Variants in PKP4 observed in about 807,000 individuals in gnomAD.
PKP4 encodes plakophilin 4, also known as plakophilin-4.
In PKP4, 90 loss-of-function variants were observed where a neutral mutation model predicts 145.1. The observed-to-expected ratio is 0.62, with a 90% CI of 0.52 to 0.74. The LOEUF is 0.74. PKP4 is among the 30% of genes least tolerant of loss of function. The pLI, the probability that PKP4 is intolerant of heterozygous loss-of-function variation, is 0.00. For synonymous variants in PKP4, 563 were observed against 577.2 expected (o/e 0.98, Z 0.35); for missense variants, 1,340 against 1,482.7 (o/e 0.90, Z 1.58).
intron 1 of PKP4, among the ~76,000 whole-genome samples, chr2:158,479,242 C>CT (rs1173326244): frequency 1.3e-5 from 2 of 151,042 alleles, no homozygotes; most frequent in Non-Finnish European, 3.0e-5. Context: ...TATTTTTTGT[C>CT]TTTTTTTGAT....
chr2:158,627,290 T>C (rs3771652), intron 7 of PKP4, among the ~76,000 whole-genome samples: 34,189 of 152,034 alleles, frequency 0.22, 4,346 homozygotes, highest in Middle Eastern at 0.36. Flanking sequence ...AGAACAGCTA[T>C]GTAGAAATCT....
chr2:158,616,842 T>C (rs1314220611), intron 4 of PKP4, among the ~76,000 whole-genome samples: 1 of 152,170 alleles, frequency 6.6e-6, no homozygotes, highest in African/African-American at 2.4e-5. Flanking sequence ...CAGCAAGACA[T>C]AGACTAACAA....
At chr2:158,614,090 T>C (rs945399160) in intron 4 of PKP4, among the ~76,000 whole-genome samples, 1 of 152,144 alleles carries the variant, frequency 6.6e-6, no homozygotes, top group East Asian at 1.9e-4. Flanking sequence ...AAATTTGAAT[T>C]TGAACACACT....
intron 19 of PKP4, 95 bp from the exon 20 acceptor site, chr2:158,676,644 C>A: frequency 7.0e-7 from 1 of 1,431,688 alleles, no homozygotes. Context: ...TTTCTAGTTA[C>A]TGAGCTTTGT....
chr2:158,570,075 G>A lies in PKP4; in HGVS notation c.133-7196G>A, dbSNP rs1324937547. On this transcript the variant is annotated intron_variant, in intron 2 of 21. Transcript: ENST00000389759. ...ATAATTAATTATACATTGATTTAGG[G>A]ACTACCAAGTAGACATAATAATGGT... Among the ~76,000 whole-genome samples, 4 of 152,234 alleles carry A rather than the reference G, an allele frequency of 2.6e-5. No homozygotes were observed. The East Asian group carries it at 7.7e-4, about 29-fold the overall frequency.
intron 9 of PKP4, among the ~76,000 whole-genome samples, chr2:158,635,251 A>G (rs1228449988): frequency 6.6e-6 from 1 of 152,190 alleles, no homozygotes; most frequent in Non-Finnish European, 1.5e-5. Context: ...GTTGAGTGGG[A>G]AATCCACTGC....
At chr2:158,522,181 C>T (rs189690059) in intron 1 of PKP4, among the ~76,000 whole-genome samples, 142 of 152,068 alleles carry the variant, frequency 9.3e-4, no homozygotes, top group African/African-American at 3.1e-3. Flanking sequence ...ATTAGTAAGG[C>T]GAGTAGAAGG....
intron 2 of PKP4, among the ~76,000 whole-genome samples, chr2:158,574,598 C>G (rs2047686500): frequency 6.6e-6 from 1 of 152,154 alleles, no homozygotes; most frequent in Admixed American, 6.5e-5. Flanking sequence ...AACTTGTATT[C>G]TTAGGAGGAA....
intron 1 of PKP4, among the ~76,000 whole-genome samples, chr2:158,529,399 C>T (rs1418958160): frequency 6.6e-6 from 1 of 152,166 alleles, no homozygotes; most frequent in Non-Finnish European, 1.5e-5. Flanking sequence ...TCATGTCTCC[C>T]AGTGAGCTTT....
intron 15 of PKP4, among the ~76,000 whole-genome samples, 170 bp downstream of exon 15, chr2:158,663,615 T>C (rs1490937245): frequency 6.6e-6 from 1 of 152,178 alleles, no homozygotes; most frequent in South Asian, 2.1e-4. Context: ...AAGCAGTTGC[T>C]CTGGGGATAC....
chr2:158,576,212 A>G (rs1417002297), intron 2 of PKP4, among the ~76,000 whole-genome samples: 1 of 152,246 alleles, frequency 6.6e-6, no homozygotes, highest in Admixed American at 6.5e-5. Flanking sequence ...CAGGGAGTTC[A>G]TATACTTTTC....
intron 16 of PKP4, chr2:158,669,032 A>G (rs191346780): frequency 6.6e-6 from 1 of 152,346 alleles, no homozygotes; most frequent in Admixed American, 6.5e-5. Flanking sequence ...ATACCTCAAT[A>G]ACTGTGAAAC....
intron 3 of PKP4, among the ~76,000 whole-genome samples, chr2:158,595,650 A>G (rs1298280721): frequency 6.6e-6 from 1 of 152,234 alleles, no homozygotes; most frequent in African/African-American, 2.4e-5. Context: ...AGTATGTTGT[A>G]TCTCCTGATC....
intron 1 of PKP4, among the ~76,000 whole-genome samples, chr2:158,529,759 C>T (rs932971618): frequency 3.9e-5 from 6 of 152,214 alleles, no homozygotes; most frequent in African/African-American, 1.4e-4. Context: ...AACCTAAATA[C>T]AGGACCTTGT....
At chr2:158,539,836 A>G (rs891620234) in intron 2 of PKP4, among the ~76,000 whole-genome samples, 1 of 152,214 alleles carries the variant, frequency 6.6e-6, no homozygotes, top group Non-Finnish European at 1.5e-5. Context: ...TCTGAACTCT[A>G]AAATGGCTCT....
In PKP4 at chr2:158,583,833, TTTTG is replaced by T. The variant is rs200788305; in HGVS notation, c.245+6462_245+6465del. Reference sequence around the variant, plus strand: ...TTCTTTAAACAATCTTTTTTTAATGTTTTGTTTGTTTGTTTCTTATATTTTTATA... The same window carrying T: ...TTCTTTAAACAATCTTTTTTTAATGTTTTGTTTGTTTCTTATATTTTTATA... On this transcript the variant is annotated intron_variant, in intron 3 of 21. Transcript: ENST00000389759. Among the ~76,000 whole-genome samples, 1,454 of 152,224 alleles carry T rather than the reference TTTTG, an allele frequency of 9.6e-3. 27 individuals carry two copies. The highest frequency in any genetic ancestry group is 0.033 in the African/African-American group (1,387 of 41,526).
intron 1 of PKP4, among the ~76,000 whole-genome samples, chr2:158,505,052 T>G (rs6743236): frequency 9.2e-5 from 14 of 152,268 alleles, no homozygotes; most frequent in Admixed American, 5.9e-4. Context: ...TAAGAGTTCT[T>G]TTCCTGTTCT....
chr2:158,613,168 A>G (rs1345793677), intron 4 of PKP4, among the ~76,000 whole-genome samples: 1 of 152,178 alleles, frequency 6.6e-6, no homozygotes, highest in Non-Finnish European at 1.5e-5. Context: ...TGAGTTGGGA[A>G]CCAGGCGTCA....
intron 4 of PKP4, among the ~76,000 whole-genome samples, chr2:158,604,748 A>G (rs1266514892): frequency 6.6e-6 from 1 of 152,214 alleles, no homozygotes; most frequent in African/African-American, 2.4e-5. Flanking sequence ...ACACCACTCA[A>G]TAAGCATTTA....
Sources: gnomAD v4.1 joint callset for allele counts (sites outside exome capture counted in the v4.1 genomes callset) on GRCh38, gnomAD v4.1.1 for gene constraint, MANE v1.5 for transcripts, NCBI Gene and HGNC (gene_info 2026-07-23, HGNC 2026-07-21) for gene names.